The following EXOC4 variants were observed in gnomAD, a reference collection of about 807,000 sequenced individuals.
EXOC4 encodes the protein SEC8-like 1.
Under a neutral mutation model 107.2 loss-of-function variants are expected in EXOC4, and 71 were observed. The observed-to-expected ratio is 0.66, with a 90% confidence interval of 0.55 to 0.81. The LOEUF (loss-of-function observed/expected upper bound fraction) is 0.81. EXOC4 is among the 30% of genes least tolerant of loss of function. The pLI is 0.00. For synonymous variants in EXOC4, 456 were observed against 441.2 expected, an observed-to-expected ratio of 1.03 and a Z score of -0.42; for missense variants, 1,108 against 1,189.6, an observed-to-expected ratio of 0.93 and a Z score of 1.01.
intron 5 of EXOC4, among the ~76,000 whole-genome samples, chr7:133,336,968 C>T (rs56057418): frequency 0.3 from 45,021 of 151,854 alleles, 7,558 homozygotes; most frequent in African/African-American, 0.46. Context: ...CTCCTGACCT[C>T]GTGATCCACC....
intron 13 of EXOC4, chr7:133,930,512 A>G (rs1800152409): frequency 6.6e-6 from 1 of 152,074 alleles, no homozygotes; most frequent in South Asian, 2.1e-4. Context: ...CTTAGTTTCT[A>G]GTATCAGTTT....
chr7:133,967,675 G>T (rs1209381720), intron 14 of EXOC4, among the ~76,000 whole-genome samples: 1 of 152,186 alleles, frequency 6.6e-6, no homozygotes, highest in African/African-American at 2.4e-5. Flanking sequence ...TAATTTGATT[G>T]CACTGTGGTC....
chr7:133,254,404 C>A (rs180689326), intron 1 of EXOC4, among the ~76,000 whole-genome samples: 2 of 152,154 alleles, frequency 1.3e-5, no homozygotes, highest in Non-Finnish European at 2.9e-5. Flanking sequence ...CTCGCTGTGA[C>A]AATACGCAGG....
At chr7:134,011,107 T>C (rs1483539435) in intron 17 of EXOC4, among the ~76,000 whole-genome samples, 1 of 152,142 alleles carries the variant, frequency 6.6e-6, no homozygotes, top group Non-Finnish European at 1.5e-5. Context: ...TCCAGGAAAA[T>C]CAGTGTAGAT....
intron 10 of EXOC4, among the ~76,000 whole-genome samples, chr7:133,756,046 A>C (rs974413249): frequency 3.3e-5 from 5 of 152,232 alleles, no homozygotes; most frequent in African/African-American, 1.2e-4. Context: ...TTTTAGTTCC[A>C]TACCCTCCAG....
At chr7:133,968,710 A>T (rs1208550015) in intron 14 of EXOC4, among the ~76,000 whole-genome samples, 1 of 152,118 alleles carries the variant, frequency 6.6e-6, no homozygotes, top group East Asian at 1.9e-4. Context: ...GGAGAGATCC[A>T]CTGTTAATCT....
intron 10 of EXOC4, among the ~76,000 whole-genome samples, chr7:133,724,232 C>G (rs965985234): frequency 6.6e-6 from 1 of 152,160 alleles, no homozygotes; most frequent in Non-Finnish European, 1.5e-5. Flanking sequence ...TTACAGTCTT[C>G]TTTTGTTGAG....
rs370609682 is a variant in EXOC4, at chr7:133,827,651, A to G, written c.1734+10107A>G. ...ATTTTTGAGGTCAACCATTATTCTGAATGTTTTCTTCAACAATCTATCATC... is the reference window on the plus strand; with the variant it reads ...ATTTTTGAGGTCAACCATTATTCTGGATGTTTTCTTCAACAATCTATCATC... On this transcript the variant is annotated intron_variant, in intron 11 of 17. Coordinates refer to ENST00000253861, the MANE Select transcript of EXOC4 (RefSeq NM_021807.4). 3.9e-5 allele frequency among the ~76,000 whole-genome samples: 6 copies of G among 152,228 alleles called. No homozygotes were observed. The East Asian group carries it at 1.2e-3, about 29-fold the overall frequency.
intron 7 of EXOC4, among the ~76,000 whole-genome samples, chr7:133,416,839 G>C (rs565266303): frequency 7.9e-5 from 12 of 152,194 alleles, no homozygotes; most frequent in Non-Finnish European, 1.8e-4. Flanking sequence ...GAGTAGAGGA[G>C]GAGCTGAAGG....
intron 17 of EXOC4, among the ~76,000 whole-genome samples, chr7:134,047,875 G>A (rs1171235357): frequency 6.6e-6 from 1 of 152,204 alleles, no homozygotes; most frequent in Non-Finnish European, 1.5e-5. Flanking sequence ...TAAAGACCAT[G>A]GCCTTGCGGT....
At chr7:134,053,313 T>TAA (rs1416255405) in intron 17 of EXOC4, among the ~76,000 whole-genome samples, 2 of 151,988 alleles carry the variant, frequency 1.3e-5, no homozygotes, top group African/African-American at 4.8e-5. Context: ...AGCAGATACT[T>TAA]GTTTATGTAC....
At chr7:133,576,982 C>T in intron 9 of EXOC4, 1 of 675,182 alleles carries the variant, frequency 1.5e-6, no homozygotes. Flanking sequence ...GATAATATGC[C>T]CGGGGTTGGA....
At chr7:133,896,349 A>T (rs2288067) in intron 12 of EXOC4, among the ~76,000 whole-genome samples, 2 of 151,436 alleles carry the variant, frequency 1.3e-5, no homozygotes, top group Non-Finnish European at 2.9e-5. Context: ...AACAAATTAT[A>T]ATCTGGTTCA....
At chr7:133,906,289 T>C (rs572193521) in intron 12 of EXOC4, among the ~76,000 whole-genome samples, 7 of 152,284 alleles carry the variant, frequency 4.6e-5, no homozygotes, top group Non-Finnish European at 1.0e-4. Context: ...TTTGCCAACC[T>C]AACTTAACTT....
intron 10 of EXOC4, among the ~76,000 whole-genome samples, chr7:133,643,469 C>A (rs10235846): frequency 0.42 from 64,311 of 151,974 alleles, 14,509 homozygotes; most frequent in Admixed American, 0.56. Context: ...ACGCACAATC[C>A]GTACTTTGTA....
rs114169899 is a variant in EXOC4 at position 133,833,816 on chromosome 7, C to T, written c.1734+16272C>T. On this transcript the variant is annotated intron_variant, in intron 11 of 17. Transcript: ENST00000253861. Reference sequence around the variant, plus strand: ...CTGGGCTCAAGCGATCAGCTTGCCTCGGCCTCCCAACATGTTGGATTTATA... The same window carrying T: ...CTGGGCTCAAGCGATCAGCTTGCCTTGGCCTCCCAACATGTTGGATTTATA... 6.1e-3 allele frequency among the ~76,000 whole-genome samples: 933 copies of T among 152,236 alleles called. 5 individuals are homozygous for T. Among genetic ancestry groups the T allele is most frequent in the Middle Eastern group, 0.024 (7 of 292 alleles).
chr7:133,257,304 A>G (rs780317051), intron 1 of EXOC4, among the ~76,000 whole-genome samples: 15 of 152,132 alleles, frequency 9.9e-5, no homozygotes, highest in Non-Finnish European at 1.9e-4. Flanking sequence ...TTACACACAC[A>G]CAGACACACA....
intron 7 of EXOC4, among the ~76,000 whole-genome samples, chr7:133,443,716 A>T (rs1002313625): frequency 2.0e-5 from 3 of 152,070 alleles, no homozygotes; most frequent in Non-Finnish European, 4.4e-5. Flanking sequence ...AGGAGTCAGA[A>T]TTAGTTACAG....
At chr7:133,780,672 C>G (rs1796446632) in intron 10 of EXOC4, among the ~76,000 whole-genome samples, 1 of 152,030 alleles carries the variant, frequency 6.6e-6, no homozygotes, top group Non-Finnish European at 1.5e-5. Flanking sequence ...AGGAGTGGGC[C>G]AGTTCAGGTT....
Sources: gnomAD v4.1 joint callset for allele counts (sites outside exome capture counted in the v4.1 genomes callset) on GRCh38, gnomAD v4.1.1 for gene constraint, MANE v1.5 for transcripts, NCBI Gene and HGNC (gene_info 2026-07-23, HGNC 2026-07-21) for gene names.